DNAJC5B: variants seen among roughly 807,000 people sequenced by gnomAD.
DNAJC5B encodes DnaJ heat shock protein family (Hsp40) member C5 beta.
A neutral mutation model predicts 24.7 loss-of-function variants in DNAJC5B; 23 were observed. The ratio of observed to expected loss-of-function variants is 0.93; its 90% CI spans 0.67 to 1.32. The LOEUF (loss-of-function observed/expected upper bound fraction) is 1.32. Among genes scored for constraint, DNAJC5B ranks in the 40% most tolerant of loss-of-function variants. The probability of loss-of-function intolerance (pLI) is 0.00; values close to 1 mark genes in which losing one functional copy is unlikely to be tolerated. For synonymous variants in DNAJC5B, 101 were observed against 90.1 expected (o/e 1.12, Z -0.68); for missense variants, 238 against 240.8 (o/e 0.99, Z 0.08).
upstream of DNAJC5B, among the ~76,000 whole-genome samples, chr8:66,018,544 A>G (rs192317117): frequency 6.6e-6 from 1 of 152,174 alleles, no homozygotes; most frequent in Non-Finnish European, 1.5e-5. Context: ...CAAACAAACA[A>G]AAAACAAAAA....
intron 1 of DNAJC5B, among the ~76,000 whole-genome samples, chr8:66,026,462 A>T (rs1806245648): frequency 6.6e-6 from 1 of 152,208 alleles, no homozygotes; most frequent in African/African-American, 2.4e-5. Context: ...TTTATTTAAG[A>T]GGCTTGGAAG....
Position 66,076,745 on chromosome 8 carries a change from G to A in DNAJC5B, c.205G>A (p.Ala69Thr). 2 of 1,614,112 alleles carry A rather than the reference G, an allele frequency of 1.2e-6. No homozygotes were observed. The highest frequency in any genetic ancestry group is 1.1e-5 in the South Asian group (1 of 91,074). ...EKFKEINNAH[A>T]ILTDISKRSI... is the part of the protein sequence containing the mutation. Reference sequence around the variant, plus strand: ...GTTTAAAGAAATCAACAACGCCCACGCAATACTTACCGACATTTCAAAGAG... The same window carrying A: ...GTTTAAAGAAATCAACAACGCCCACACAATACTTACCGACATTTCAAAGAG... Residue 69 changes from alanine to threonine, a missense_variant, in exon 4 of 6, where the codon GCA becomes ACA. Transcript: ENST00000276570.
At chr8:66,049,324 A>T (rs1806795122) in intron 2 of DNAJC5B, among the ~76,000 whole-genome samples, 1 of 152,274 alleles carries the variant, frequency 6.6e-6, no homozygotes, top group African/African-American at 2.4e-5. Flanking sequence ...CTAGGACTTC[A>T]TATTCACTCA....
chr8:66,059,652 C>T (rs1388777872), intron 3 of DNAJC5B, among the ~76,000 whole-genome samples: 5 of 152,196 alleles, frequency 3.3e-5, no homozygotes, highest in African/African-American at 4.8e-5. Context: ...GAGTCTCTGC[C>T]GTCCTTCTTC....
At chr8:66,015,154 G>A in the DNAJC5B span, among the ~76,000 whole-genome samples, 1 of 152,164 alleles carries the variant, frequency 6.6e-6, no homozygotes, top group Non-Finnish European at 1.5e-5. Flanking sequence ...CGATATCCTG[G>A]CAATAGCATT....
rs901476949 is a variant in DNAJC5B, at chr8:66,076,734, A to G, written c.194A>G (p.Asn65Ser). The G allele has an allele frequency of 2.5e-6, 4 of 1,614,076 alleles. No homozygotes were observed. Among genetic ancestry groups the G allele is most frequent in the African/African-American group, 2.7e-5 (2 of 74,934 alleles). Residue 65 changes from asparagine (N) to serine (S), a missense_variant, in exon 4 of 6, where the codon AAC (asparagine) becomes AGC (serine). Coordinates refer to ENST00000276570, the MANE Select transcript of DNAJC5B (RefSeq NM_033105.6). The stretch of plus-strand genomic sequence containing the variant: ...GCTACTGAGAAGTTTAAAGAAATCA[A>G]CAACGCCCACGCAATACTTACCGAC... ...PAATEKFKEI[N>S]NAHAILTDIS...
chr8:66,036,743 A>C (rs557234298), intron 1 of DNAJC5B, among the ~76,000 whole-genome samples: 26 of 152,330 alleles, frequency 1.7e-4, no homozygotes, highest in Non-Finnish European at 3.1e-4. Context: ...CCTGGTACCC[A>C]AATTTTTTTT....
chr8:66,027,641 A>G (rs1806274416), intron 1 of DNAJC5B, among the ~76,000 whole-genome samples: 2 of 152,184 alleles, frequency 1.3e-5, no homozygotes, highest in African/African-American at 4.8e-5. Flanking sequence ...CAACTAGAAG[A>G]CCAGTATTTT....
At chr8:66,019,837 A>G (rs958685538), upstream of DNAJC5B, among the ~76,000 whole-genome samples, 3 of 152,232 alleles carry the variant, frequency 2.0e-5, no homozygotes, top group Non-Finnish European at 4.4e-5. Context: ...CTTGTAGCTA[A>G]ATATTTTTCA....
At chr8:66,097,165 A>G (rs1339103941) in intron 5 of DNAJC5B, among the ~76,000 whole-genome samples, 2 of 150,718 alleles carry the variant, frequency 1.3e-5, no homozygotes, top group Non-Finnish European at 3.0e-5. Flanking sequence ...TTTTATCATT[A>G]TATTTATCAC....
chr8:66,037,995 C>A (rs1277459489), intron 1 of DNAJC5B, among the ~76,000 whole-genome samples: 1 of 152,184 alleles, frequency 6.6e-6, no homozygotes, highest in Admixed American at 6.5e-5. Context: ...GAGGGACTGC[C>A]CTGCTTCCAA....
At chr8:66,018,830 G>A (rs1290296991), upstream of DNAJC5B, among the ~76,000 whole-genome samples, 1 of 152,134 alleles carries the variant, frequency 6.6e-6, no homozygotes, top group Non-Finnish European at 1.5e-5. Context: ...TTTAAGTGTT[G>A]ACAAAATTAG....
intron 5 of DNAJC5B, among the ~76,000 whole-genome samples, chr8:66,084,227 C>T (rs1474793748): frequency 6.6e-6 from 1 of 152,144 alleles, no homozygotes; most frequent in Non-Finnish European, 1.5e-5. Context: ...ACTGGACTTG[C>T]ATCTGCTCTG....
At chr8:66,046,798 A>G (rs1256093712) in intron 2 of DNAJC5B, among the ~76,000 whole-genome samples, 6 of 152,274 alleles carry the variant, frequency 3.9e-5, no homozygotes, top group Non-Finnish European at 8.8e-5. Flanking sequence ...TCAGCCTTGG[A>G]AGCTCAACCA....
At chr8:66,079,140 C>T (rs578124841) in intron 4 of DNAJC5B, among the ~76,000 whole-genome samples, 85 of 152,260 alleles carry the variant, frequency 5.6e-4, no homozygotes, top group African/African-American at 1.9e-3. Flanking sequence ...TAACAAACAG[C>T]GAGCAAACCT....
At chr8:66,040,219 G>A (rs1481974614) in intron 1 of DNAJC5B, among the ~76,000 whole-genome samples, 3 of 151,520 alleles carry the variant, frequency 2.0e-5, no homozygotes, top group East Asian at 1.9e-4. Flanking sequence ...GTGAAACCCC[G>A]TCTCTATTAA....
chr8:66,074,040 A>G (rs1432476918), intron 3 of DNAJC5B, among the ~76,000 whole-genome samples: 2 of 152,392 alleles, frequency 1.3e-5, no homozygotes, highest in East Asian at 3.9e-4. Flanking sequence ...CATATAACTG[A>G]CAAAGAATTC....
intron 1 of DNAJC5B, among the ~76,000 whole-genome samples, chr8:66,035,470 A>C (rs1449444741): frequency 6.6e-6 from 1 of 152,212 alleles, no homozygotes; most frequent in Non-Finnish European, 1.5e-5. Flanking sequence ...GAAAAGGAGA[A>C]GAGATACAGA....
At chr8:66,071,688 T>C (rs1807352180) in intron 3 of DNAJC5B, among the ~76,000 whole-genome samples, 1 of 152,130 alleles carries the variant, frequency 6.6e-6, no homozygotes, top group Admixed American at 6.5e-5. Flanking sequence ...GACCCAGCAA[T>C]CCCATTACTG....
Sources: allele counts gnomAD v4.1 joint callset (sites outside exome capture counted in the v4.1 genomes callset), GRCh38; gene constraint gnomAD v4.1.1; transcripts MANE v1.5; gene names NCBI Gene and HGNC (gene_info 2026-07-23, HGNC 2026-07-21).